The following NCOA2 variants were observed in gnomAD, a reference collection of about 807,000 sequenced individuals.
The protein encoded by NCOA2 is nuclear receptor coactivator 2, also known as class E basic helix-loop-helix protein 75.
In NCOA2, 21 loss-of-function variants were observed where a neutral mutation model predicts 145.1. The observed-to-expected ratio is 0.14, with a 90% CI of 0.10 to 0.21. The LOEUF (loss-of-function observed/expected upper bound fraction) is 0.21, where lower values mean the gene tolerates loss of function less well. Among genes scored for constraint, NCOA2 ranks in the 10% least tolerant of loss-of-function variants. The pLI, the probability that NCOA2 is intolerant of heterozygous loss-of-function variation, is 1.00. For missense variants in NCOA2, 1,472 were observed against 1,837.6 expected (o/e 0.80, Z 3.64); for synonymous variants, 619 against 637.5 (o/e 0.97, Z 0.44).
intron 9 of NCOA2, among the ~76,000 whole-genome samples, chr8:70,160,529 C>T (rs776019605): frequency 3.3e-5 from 5 of 152,122 alleles, no homozygotes; most frequent in African/African-American, 1.2e-4. Flanking sequence ...TTTAGTTCCT[C>T]TTAAACCATT....
At chr8:70,380,018 T>C (rs1172248500) in intron 1 of NCOA2, among the ~76,000 whole-genome samples, 2 of 152,136 alleles carry the variant, frequency 1.3e-5, no homozygotes, top group Non-Finnish European at 2.9e-5. Context: ...GTCGGATTAG[T>C]TCTAAGTGCT....
chr8:70,322,289 G>A (rs186697499), intron 1 of NCOA2, among the ~76,000 whole-genome samples: 5 of 152,192 alleles, frequency 3.3e-5, no homozygotes, highest in African/African-American at 9.6e-5. Context: ...AAGTCATTAT[G>A]CCTCGAGAGC....
intron 13 of NCOA2, among the ~76,000 whole-genome samples, chr8:70,143,170 G>A (rs1385829792): frequency 2.6e-5 from 4 of 151,992 alleles, no homozygotes; most frequent in African/African-American, 7.2e-5. Flanking sequence ...GGATGGTCTC[G>A]AACTCCTGAC....
At chr8:70,339,947 G>A (rs1476090006) in intron 1 of NCOA2, among the ~76,000 whole-genome samples, 1 of 152,116 alleles carries the variant, frequency 6.6e-6, no homozygotes, top group Non-Finnish European at 1.5e-5. Context: ...ACTCAGGATG[G>A]ATTAAAGACT....
intron 4 of NCOA2, among the ~76,000 whole-genome samples, chr8:70,191,347 T>A (rs1171163702): frequency 6.6e-6 from 1 of 152,164 alleles, no homozygotes; most frequent in Non-Finnish European, 1.5e-5. Context: ...GTCCACCTGG[T>A]TAGCCAGGTA....
chr8:70,444,257 T>C, the NCOA2 span, among the ~76,000 whole-genome samples: 62 of 152,344 alleles, frequency 4.1e-4, no homozygotes, highest in East Asian at 9.8e-3. Context: ...GGCTATATAT[T>C]GTACGATTCC....
chr8:70,453,117 A>G, the NCOA2 span, among the ~76,000 whole-genome samples: 2 of 152,236 alleles, frequency 1.3e-5, no homozygotes, highest in South Asian at 4.1e-4. Context: ...ACCTTCAGAT[A>G]GAGGAGCCTA....
At chr8:70,429,908 G>A in the NCOA2 span, among the ~76,000 whole-genome samples, 120 of 152,186 alleles carry the variant, frequency 7.9e-4, no homozygotes, top group Middle Eastern at 3.4e-3. Flanking sequence ...GTCGCCCTCC[G>A]TCAGCCCAGG....
At chr8:70,153,690 C>G (rs1811996682) in intron 11 of NCOA2, among the ~76,000 whole-genome samples, 1 of 151,792 alleles carries the variant, frequency 6.6e-6, no homozygotes, top group Admixed American at 6.6e-5. Flanking sequence ...AGATTCTAAT[C>G]TAGTACACCT....
chr8:70,375,791 G>T (rs746838709), intron 1 of NCOA2, among the ~76,000 whole-genome samples: 1 of 152,088 alleles, frequency 6.6e-6, no homozygotes, highest in Non-Finnish European at 1.5e-5. Flanking sequence ...CTATGAACAA[G>T]AAACCTTTTA....
At chr8:70,132,186 T>C (rs772731596) in intron 15 of NCOA2, among the ~76,000 whole-genome samples, 184 bp from the exon 16 acceptor site, 15 of 152,194 alleles carry the variant, frequency 9.9e-5, no homozygotes, top group Non-Finnish European at 1.8e-4. Context: ...CAGTGCCCAA[T>C]ACAGGCCAGG....
intron 1 of NCOA2, among the ~76,000 whole-genome samples, chr8:70,335,294 C>T (rs974484780): frequency 6.6e-6 from 1 of 152,044 alleles, no homozygotes; most frequent in Non-Finnish European, 1.5e-5. Context: ...TGAATTGATA[C>T]AAACACATTC....
intron 2 of NCOA2, among the ~76,000 whole-genome samples, chr8:70,288,579 TCAAAA>T (rs1826420251): frequency 6.9e-6 from 1 of 145,734 alleles, no homozygotes; most frequent in African/African-American, 2.5e-5. Context: ...AAACCCTGTC[TCAAAA>T]CAAAAACAAA....
chr8:70,315,816 T>G (rs1805541583), intron 1 of NCOA2, among the ~76,000 whole-genome samples: 2 of 152,170 alleles, frequency 1.3e-5, no homozygotes, highest in Admixed American at 6.5e-5. Context: ...AACCTAATGC[T>G]TTCAAACAGG....
At chr8:70,325,523 C>A (rs1467338149) in intron 1 of NCOA2, among the ~76,000 whole-genome samples, 2 of 151,760 alleles carry the variant, frequency 1.3e-5, no homozygotes, top group African/African-American at 4.8e-5. Flanking sequence ...TCCTCTGGCT[C>A]AGGTGATCCT....
chr8:70,170,689 A>T (rs1187710270), intron 5 of NCOA2, among the ~76,000 whole-genome samples: 1 of 152,174 alleles, frequency 6.6e-6, no homozygotes, highest in Non-Finnish European at 1.5e-5. Flanking sequence ...ACAGACATTC[A>T]TCTGTATTTT....
At chr8:70,130,877 C>G (rs1199649663) in intron 16 of NCOA2, among the ~76,000 whole-genome samples, 1 of 152,198 alleles carries the variant, frequency 6.6e-6, no homozygotes, top group African/African-American at 2.4e-5. Flanking sequence ...GTAAGCCAGG[C>G]TGCACTGCTT....
chr8:70,276,072 T>G (rs1399904882), intron 2 of NCOA2, among the ~76,000 whole-genome samples: 1 of 152,200 alleles, frequency 6.6e-6, no homozygotes, highest in African/African-American at 2.4e-5. Flanking sequence ...TTTCAATATT[T>G]GCTGTTAATT....
At chr8:70,374,628 C>A (rs1326404681) in intron 1 of NCOA2, among the ~76,000 whole-genome samples, 2 of 151,806 alleles carry the variant, frequency 1.3e-5, no homozygotes, top group Non-Finnish European at 2.9e-5. Flanking sequence ...CAAATCCAGA[C>A]CCCATCTCTA....
Sources: allele counts gnomAD v4.1 joint callset (sites outside exome capture counted in the v4.1 genomes callset), GRCh38; gene constraint gnomAD v4.1.1; transcripts MANE v1.5; gene names NCBI Gene and HGNC (gene_info 2026-07-23, HGNC 2026-07-21).